The following COX10 variants were observed in gnomAD, a reference collection of about 807,000 sequenced individuals.
COX10 encodes cytochrome c oxidase assembly factor heme A:farnesyltransferase COX10, also known as protoheme IX farnesyltransferase, mitochondrial.
A neutral mutation model predicts 37.3 loss-of-function variants in COX10; 27 were observed. The observed-to-expected ratio is 0.72, with a 90% CI of 0.53 to 1.00. The LOEUF (loss-of-function observed/expected upper bound fraction) is 1.00. COX10 is among the 50% of genes least tolerant of loss of function. COX10 has a pLI of 0.00. For missense variants in COX10, 475 were observed against 563.2 expected (o/e 0.84, Z 1.59); for synonymous variants, 222 against 229.1 (o/e 0.97, Z 0.28).
chr17:14,141,278 G>A (rs1286698583), intron 4 of COX10, among the ~76,000 whole-genome samples: 3 of 151,920 alleles, frequency 2.0e-5, no homozygotes, highest in South Asian at 2.1e-4. Flanking sequence ...AGTGGCTCAC[G>A]TCTGTCATCC....
At chr17:14,100,628 A>C (rs1351705130) in intron 3 of COX10, among the ~76,000 whole-genome samples, 1 of 152,204 alleles carries the variant, frequency 6.6e-6, no homozygotes, top group Non-Finnish European at 1.5e-5. Flanking sequence ...AAGTCTCATG[A>C]ATGGATAATA....
chr17:14,127,278 T>C (rs2142216737), intron 4 of COX10, among the ~76,000 whole-genome samples: 1 of 152,294 alleles, frequency 6.6e-6, no homozygotes, highest in East Asian at 1.9e-4. Context: ...ACTTTTCCTC[T>C]GTCTGTTTTC....
At chr17:14,129,142 G>A (rs1195895282) in intron 4 of COX10, among the ~76,000 whole-genome samples, 1 of 146,538 alleles carries the variant, frequency 6.8e-6, no homozygotes, top group Non-Finnish European at 1.5e-5. Flanking sequence ...CACTGTGCCC[G>A]GCCTATTTTT....
chr17:14,139,526 T>C (rs1313041196), intron 4 of COX10, among the ~76,000 whole-genome samples: 19 of 152,168 alleles, frequency 1.2e-4, no homozygotes. Flanking sequence ...GAAATTTTCG[T>C]AAGAAAGTTT....
intron 3 of COX10, 72 bp from the exon 4 acceptor site, chr17:14,102,046 T>G: frequency 6.3e-7 from 1 of 1,594,506 alleles, no homozygotes; most frequent in South Asian, 1.1e-5. Flanking sequence ...ATGGCTTGTT[T>G]TTTGTCGTTC....
intron 4 of COX10, among the ~76,000 whole-genome samples, chr17:14,156,209 A>G (rs1378510870): frequency 1.3e-5 from 2 of 152,138 alleles, no homozygotes; most frequent in Non-Finnish European, 2.9e-5. Flanking sequence ...CAGGTTGCAC[A>G]GCCACTATTA....
At chr17:14,102,743 T>C (rs1915812724) in intron 4 of COX10, among the ~76,000 whole-genome samples, 1 of 152,184 alleles carries the variant, frequency 6.6e-6, no homozygotes, top group African/African-American at 2.4e-5. Flanking sequence ...TAGCATATTA[T>C]TTTTAATACA....
At chr17:14,179,511 T>C in intron 5 of COX10, among the ~76,000 whole-genome samples, 1 of 152,180 alleles carries the variant, frequency 6.6e-6, no homozygotes, top group Non-Finnish European at 1.5e-5. Context: ...GCCACATGTA[T>C]AAAATGCTTA....
chr17:14,119,617 G>A (rs1215158057), intron 4 of COX10, among the ~76,000 whole-genome samples: 1 of 152,168 alleles, frequency 6.6e-6, no homozygotes, highest in East Asian at 1.9e-4. Context: ...GTGATGTTCC[G>A]GCTGAAATCC....
At chr17:14,148,425 T>G (rs1904794744) in intron 4 of COX10, among the ~76,000 whole-genome samples, 2 of 152,176 alleles carry the variant, frequency 1.3e-5, no homozygotes, top group African/African-American at 4.8e-5. Context: ...TGTGCTTTAT[T>G]TTTTTTGTTT....
At chr17:14,122,827 G>A (rs1916258910) in intron 4 of COX10, among the ~76,000 whole-genome samples, 1 of 152,162 alleles carries the variant, frequency 6.6e-6, no homozygotes, top group Non-Finnish European at 1.5e-5. Context: ...TTATGCATTA[G>A]CCAGAAACTA....
At chr17:14,125,381 G>T (rs750037255) in intron 4 of COX10, among the ~76,000 whole-genome samples, 1 of 152,154 alleles carries the variant, frequency 6.6e-6, no homozygotes, top group Non-Finnish European at 1.5e-5. Context: ...TTCGTTCTTT[G>T]TTGAATTAGC....
chr17:14,116,396 A>G (rs1310171499), intron 4 of COX10, among the ~76,000 whole-genome samples: 2 of 152,192 alleles, frequency 1.3e-5, no homozygotes, highest in Non-Finnish European at 2.9e-5. Flanking sequence ...TAGGAGATAC[A>G]GAAACTCAGA....
chr17:14,075,757 G>A (rs1192036861), intron 2 of COX10, among the ~76,000 whole-genome samples: 1 of 151,940 alleles, frequency 6.6e-6, no homozygotes, highest in Non-Finnish European at 1.5e-5. Context: ...TTGGGAGGCC[G>A]AGGCGGGCGG....
chr17:14,171,267 T>G (rs1418144864), intron 5 of COX10, among the ~76,000 whole-genome samples: 2 of 152,206 alleles, frequency 1.3e-5, no homozygotes, highest in Non-Finnish European at 1.5e-5. Context: ...TAACATGGTC[T>G]TCATTCTCTT....
At chr17:14,115,648 G>A (rs1162725095) in intron 4 of COX10, among the ~76,000 whole-genome samples, 1 of 152,058 alleles carries the variant, frequency 6.6e-6, no homozygotes, top group Non-Finnish European at 1.5e-5. Flanking sequence ...ATCAATGGAT[G>A]ATTACATAAG....
chr17:14,148,953 TAAA>T (rs1411231165), intron 4 of COX10, among the ~76,000 whole-genome samples: 3 of 148,264 alleles, frequency 2.0e-5, no homozygotes, highest in Non-Finnish European at 4.5e-5. Flanking sequence ...TATACTATAT[TAAA>T]ATATAACGTT....
At chr17:14,177,236 G>C (rs999244187) in intron 5 of COX10, 2 of 733,902 alleles carry the variant, frequency 2.7e-6, no homozygotes, top group Non-Finnish European at 5.0e-6. Context: ...ACTGGTGCAA[G>C]GCAGAGCTGT....
At chr17:14,092,403 A>G (rs574300521) in intron 3 of COX10, among the ~76,000 whole-genome samples, 1 of 152,242 alleles carries the variant, frequency 6.6e-6, no homozygotes, top group South Asian at 2.1e-4. Context: ...TGTATGAAAA[A>G]TAAGAAAGGA....
Sources: gnomAD v4.1 joint callset for allele counts (sites outside exome capture counted in the v4.1 genomes callset) on GRCh38, gnomAD v4.1.1 for gene constraint, MANE v1.5 for transcripts, NCBI Gene and HGNC (gene_info 2026-07-23, HGNC 2026-07-21) for gene names.